DGKA: variants seen among roughly 807,000 people sequenced by gnomAD.
DGKA encodes 80 kDa diacylglycerol kinase.
Under a neutral mutation model 105.0 loss-of-function variants are expected in DGKA, and 35 were observed. That is an observed-to-expected ratio of 0.33 (90% confidence interval 0.25 to 0.44). The LOEUF (loss-of-function observed/expected upper bound fraction) is 0.44, where lower values mean the gene tolerates loss of function less well. Ranked by LOEUF, DGKA falls within the 20% of genes least tolerant of loss-of-function variation. The pLI, the probability that DGKA is intolerant of heterozygous loss-of-function variation, is 1.00. For synonymous variants in DGKA, 296 were observed against 332.0 expected (o/e 0.89, Z 1.18); for missense variants, 665 against 915.0 (o/e 0.73, Z 3.53).
intron 7 of DGKA, 65 bp from the exon 8 acceptor site, chr12:55,939,121 C>G: frequency 1.2e-6 from 2 of 1,604,976 alleles, no homozygotes; most frequent in Non-Finnish European, 1.7e-6. Context: ...TCCTAAGAGG[C>G]AGTGGAGAGG....
intron 17 of DGKA, 95 bp downstream of exon 17, chr12:55,942,358 G>T: frequency 8.3e-7 from 1 of 1,201,482 alleles, no homozygotes; most frequent in South Asian, 1.2e-5. Flanking sequence ...GGTATGGAAA[G>T]GATTGGGGAA....
chr12:55,938,592 G>T, intron 6 of DGKA, 32 bp downstream of exon 6: 1 of 1,613,936 alleles, frequency 6.2e-7, no homozygotes. Flanking sequence ...CTGGGCAAGG[G>T]AATATGTGTT....
In DGKA at chr12:55,941,571, G is replaced by A. The variant is rs763098707; in HGVS notation, c.1237G>A (p.Gly413Ser). ...ACAGGTGTTCAACCTCCTAAAGGATGGTCCTGAGATAGGGTGAGCACAGGT... is the reference window on the plus strand; with the variant it reads ...ACAGGTGTTCAACCTCCTAAAGGATAGTCCTGAGATAGGGTGAGCACAGGT... ...PRQVFNLLKD[G>S]PEIGLRLFKD... The change falls in exon 15 of 24, where the codon GGT becomes AGT. Residue 413 changes from glycine (G) to serine (S), a missense_variant. This residue lies in a region of DGKA where 504 missense variants were observed against 681.2 expected (regional missense o/e 0.74). Coordinates refer to ENST00000331886, the MANE Select transcript of DGKA (RefSeq NM_001345.5). 4 of 1,614,132 alleles carry A rather than the reference G, an allele frequency of 2.5e-6. No individual in the cohort carries two copies. The South Asian group carries it at 4.4e-5, about 18-fold the overall frequency.
intron 6 of DGKA, 168 bp downstream of exon 6, chr12:55,938,728 AG>A: frequency 6.5e-7 from 1 of 1,546,072 alleles, no homozygotes; most frequent in Non-Finnish European, 8.7e-7. Context: ...CCCCTCAAAG[AG>A]AATGCTGGAT....
chr12:55,932,447 A>G lies in DGKA; in HGVS notation c.-82+1103A>G. On this transcript the variant is annotated intron_variant, in intron 1 of 23. Transcript: ENST00000331886. This position sits in a 1 kb window ranked among gnomAD's most constrained non-coding sequence, Gnocchi z 4.3. The stretch of plus-strand genomic sequence containing the variant: ...CCTCCACAGTGCCGCACGGGTGGAG[A>G]AGGGTTCTTGTTTGGCCTCCAGGTC... 1 of 683,306 alleles carries G rather than the reference A, an allele frequency of 1.5e-6. No individual in the cohort carries two copies. The highest frequency in any genetic ancestry group is 2.7e-4 in the Middle Eastern group (1 of 3,650). 42.3% of individuals were successfully genotyped at this position (683,306 alleles called of 1,614,324 possible).
At chr12:55,941,095 G>A in intron 13 of DGKA, 115 bp downstream of exon 13, 2 of 1,350,542 alleles carry the variant, frequency 1.5e-6, no homozygotes, top group Non-Finnish European at 2.1e-6. Context: ...TCACTCTCCA[G>A]AAACTCCACC....
chr12:55,946,650 C>A (rs1887070987), intron 17 of DGKA, among the ~76,000 whole-genome samples: 1 of 152,212 alleles, frequency 6.6e-6, no homozygotes, highest in Non-Finnish European at 1.5e-5. Flanking sequence ...AGCCACCTCA[C>A]CCAGCAATAT....
chr12:55,949,551 G>A (rs1317752185), intron 17 of DGKA, among the ~76,000 whole-genome samples: 1 of 152,180 alleles, frequency 6.6e-6, no homozygotes, highest in Non-Finnish European at 1.5e-5. Context: ...TTGCCAAAAT[G>A]CTTTCCAAAA....
upstream of DGKA, among the ~76,000 whole-genome samples, chr12:55,928,834 A>G (rs534831538): frequency 9.9e-5 from 15 of 151,928 alleles, no homozygotes; most frequent in African/African-American, 3.6e-4. Context: ...AGGCCAATTC[A>G]GAATGTCTGG....
intron 17 of DGKA, among the ~76,000 whole-genome samples, chr12:55,950,474 T>C (rs1177027651): frequency 1.3e-5 from 2 of 151,122 alleles, no homozygotes; most frequent in South Asian, 2.1e-4. Flanking sequence ...GCCTGGCTAA[T>C]TTTTTGTATT....
chr12:55,932,356 G>A lies in DGKA; in HGVS notation c.-82+1012G>A. On this transcript the variant is annotated intron_variant, in intron 1 of 23. Coordinates refer to ENST00000331886, the MANE Select transcript of DGKA (RefSeq NM_001345.5). This position sits in a 1 kb window ranked among gnomAD's most constrained non-coding sequence, Gnocchi z 4.3. ...CCAGACCTTCCCCTCCATCCCTCCC[G>A]CTCATTCGGAGGGATGGTGAAGCCC... 1 of 586,412 alleles carries A rather than the reference G, an allele frequency of 1.7e-6. No individual in the cohort carries two copies. Among genetic ancestry groups the A allele is most frequent in the Non-Finnish European group, 3.1e-6 (1 of 327,170 alleles). The allele number at this position is 586,412 out of a possible 1,614,324, so 36.3% of individuals were successfully genotyped here. A position where few individuals can be genotyped will look rare whatever the true frequency, so the allele number is the denominator to read the frequency against.
At chr12:55,949,073 G>A (rs901214362) in intron 17 of DGKA, among the ~76,000 whole-genome samples, 5 of 151,582 alleles carry the variant, frequency 3.3e-5, no homozygotes, top group Admixed American at 1.3e-4. Context: ...CGTTGTCACC[G>A]TAAAGATTTA....
intron 7 of DGKA, 67 bp from the exon 8 acceptor site, chr12:55,939,119 G>A (rs1386188276): frequency 1.0e-5 from 16 of 1,605,652 alleles, no homozygotes; most frequent in Non-Finnish European, 6.0e-6. Context: ...TATCCTAAGA[G>A]GCAGTGGAGA....
Position 55,932,706 on chromosome 12 carries a change from C to G in DGKA, c.-82+1362C>G, listed in dbSNP as rs1311434914. ...ATGACACCCTCTACACACACACACA[C>G]ACGCACACACACACACACACACACA... is the stretch of plus-strand genomic sequence containing the variant. On this transcript the variant is annotated intron_variant, in intron 1 of 23. Transcript: ENST00000331886. This position sits in a 1 kb window ranked among gnomAD's most constrained non-coding sequence, Gnocchi z 4.3. The G allele has an allele frequency of 1.9e-6, 1 of 516,986 alleles. No homozygotes were observed. The highest frequency in any genetic ancestry group is 3.3e-5 in the East Asian group (1 of 30,130). 32.0% of individuals were successfully genotyped at this position (516,986 alleles called of 1,614,324 possible). A position where few individuals can be genotyped will look rare whatever the true frequency, so the allele number is the denominator to read the frequency against.
In DGKA at chr12:55,935,751, C is replaced by A. The variant is rs528499185; in HGVS notation, c.-81-672C>A. 7.0e-6 allele frequency: 3 copies of A among 430,038 alleles called. No individual in the cohort carries two copies. The South Asian group carries it at 2.9e-4, about 42-fold the overall frequency. The allele number at this position is 430,038 out of a possible 1,614,324, so 26.6% of individuals were successfully genotyped here. ...TCCCTACCCCGCGCCTAGTTCCCCA[C>A]CCTTCCCTAGTGGAGCTCCGCGGAA... On this transcript the variant is annotated intron_variant, in intron 1 of 23. Transcript: ENST00000331886.
chr12:55,943,817 C>T (rs1022356644), intron 17 of DGKA, among the ~76,000 whole-genome samples: 2 of 152,124 alleles, frequency 1.3e-5, no homozygotes, highest in African/African-American at 4.8e-5. Flanking sequence ...TTCAGATCCT[C>T]AACATCTGAC....
upstream of DGKA, chr12:55,928,058 G>A: frequency 2.2e-6 from 1 of 458,246 alleles, no homozygotes; most frequent in Non-Finnish European, 3.9e-6. Context: ...CCTGCCCTGC[G>A]CCGTACCTCC....
At chr12:55,944,729 A>C (rs925279216) in intron 17 of DGKA, among the ~76,000 whole-genome samples, 1 of 152,162 alleles carries the variant, frequency 6.6e-6, no homozygotes, top group Non-Finnish European at 1.5e-5. Context: ...AAAGTCTAGG[A>C]CATTTCCTAG....
chr12:55,953,736 C>A lies in DGKA; in HGVS notation c.2176C>A (p.Arg726Ser), dbSNP rs751686905. 2.5e-6 allele frequency: 4 copies of A among 1,614,166 alleles called. No individual in the cohort carries two copies. Among genetic ancestry groups the A allele is most frequent in the East Asian group, 2.2e-5 (1 of 44,874 alleles). Residue 726 changes from arginine to serine, a missense_variant, in exon 24 of 24, where the codon CGC (arginine) becomes AGC (serine). This residue lies in a region of DGKA where 158 missense variants were observed against 213.4 expected (regional missense o/e 0.74). Transcript: ENST00000331886. ...GCCCATGCTCATGGGCCCACCCCCC[C>A]GCTCCACCAATTTCTTTGGCTTCTT... ...QMPMLMGPPP[R>S]STNFFGFLS
Sources: gnomAD v4.1 joint callset for allele counts (sites outside exome capture counted in the v4.1 genomes callset) on GRCh38, gnomAD v4.1.1 for gene constraint, gnomAD v4.1.1 regional missense constraint, Gnocchi (gnomAD v3.1) non-coding constraint, MANE v1.5 for transcripts, NCBI Gene and HGNC (gene_info 2026-07-23, HGNC 2026-07-21) for gene names.